Variants in CPNE6 observed in about 807,000 individuals in gnomAD.
The protein encoded by CPNE6 is copine-6.
CPNE6 carries 33 observed loss-of-function variants against 71.5 expected under a neutral mutation model. The observed-to-expected ratio is 0.46, with a 90% CI of 0.35 to 0.62. The LOEUF is 0.62. CPNE6 is among the 20% of genes least tolerant of loss of function. The pLI is 0.00. For missense variants in CPNE6, 576 were observed against 747.3 expected (o/e 0.77, Z 2.67); for synonymous variants, 296 against 293.0 (o/e 1.01, Z -0.10).
intron 2 of CPNE6, chr14:24,071,965 A>C: frequency 3.2e-6 from 1 of 313,282 alleles, no homozygotes; most frequent in Admixed American, 4.6e-5. Flanking sequence ...GACACACGAC[A>C]TGGGGGGACA....
At chr14:24,076,243 C>A in exon 12 of CPNE6, 1 of 1,614,228 alleles carries the variant, frequency 6.2e-7, no homozygotes, top group Non-Finnish European at 8.5e-7. Context: ...TACCTGCAGG[C>A]CCTGCGTGCA....
At position 24,077,877 on chromosome 14, in the gene CPNE6, C is replaced by T; in HGVS notation, c.*38-11C>T. The T allele has an allele frequency of 1.2e-6, 1 of 858,088 alleles. No homozygotes were observed. Among genetic ancestry groups the T allele is most frequent in the Non-Finnish European group, 1.6e-6 (1 of 609,850 alleles). 53.2% of individuals were successfully genotyped at this position (858,088 alleles called of 1,614,324 possible). ...GAAGAGAGTGCTTATGACTCTCCCACCCCCTCCCAGGTGCCTGTCCTGACC... is the reference window on the plus strand; with the variant it reads ...GAAGAGAGTGCTTATGACTCTCCCATCCCCTCCCAGGTGCCTGTCCTGACC... On this transcript the variant is annotated splice_polypyrimidine_tract_variant and intron_variant, in intron 17 of 17. Coordinates refer to ENST00000397016, the Ensembl canonical transcript of CPNE6. The surrounding 1 kb of genome is among the most constrained non-coding windows in gnomAD (Gnocchi z 6.1).
Position 24,074,362 on chromosome 14 carries a change from C to G in CPNE6, c.495C>G (p.Asn165Lys). 6.4e-7 allele frequency: 1 copy of G among 1,555,302 alleles called. No individual in the cohort carries two copies. ...CCTTCAGAGCCTACAAGCTGGACAACAAGGTTGGAACCCCAGAGTCCAGGC... is the reference window on the plus strand; with the variant it reads ...CCTTCAGAGCCTACAAGCTGGACAAGAAGGTTGGAACCCCAGAGTCCAGGC... The change falls in exon 6 of 18, where the codon AAC (asparagine) becomes AAG (lysine). Residue 165 changes from asparagine to lysine, a missense_variant. By Grantham distance (94) the Asn-to-Lys change is moderately conservative. Coordinates refer to ENST00000397016, the Ensembl canonical transcript of CPNE6. The surrounding 1 kb of genome is among the most constrained non-coding windows in gnomAD (Gnocchi z 4.5).
In CPNE6 at chr14:24,077,923, T is replaced by C. The variant is rs1368016691; in HGVS notation, c.*73T>C. The C allele has an allele frequency of 3.9e-6, 2 of 518,022 alleles. No individual in the cohort carries two copies. The highest frequency in any genetic ancestry group is 6.4e-6 in the Non-Finnish European group (2 of 311,536). 32.1% of individuals were successfully genotyped at this position (518,022 alleles called of 1,614,324 possible). A position where few individuals can be genotyped will look rare whatever the true frequency, so the allele number is the denominator to read the frequency against. On this transcript the variant is annotated 3_prime_UTR_variant, in exon 18 of 18. Transcript: ENST00000397016. This position sits in a 1 kb window ranked among gnomAD's most constrained non-coding sequence, Gnocchi z 6.1. The stretch of plus-strand genomic sequence containing the variant: ...TGACCCTCGTGACTCCAGTGACCAA[T>C]GCCTCCACCTCTTGGACCAGGTGTG...
chr14:24,071,652 C>G lies in CPNE6; in HGVS notation c.-5+11C>G, dbSNP rs1309083255. On this transcript the variant is annotated intron_variant, in intron 2 of 17. Coordinates refer to ENST00000397016, the Ensembl canonical transcript of CPNE6. ...CGACCGAGAGCCCAGGTGAGCCCAC[C>G]CTTCCTCCCCAGCCCAGCCCCAGCC... is the stretch of plus-strand genomic sequence containing the variant. The G allele has an allele frequency of 1.2e-6, 1 of 865,064 alleles. No homozygotes were observed. The highest frequency in any genetic ancestry group is 1.9e-6 in the Non-Finnish European group (1 of 535,190). The allele number at this position is 865,064 out of a possible 1,614,324, so 53.6% of individuals were successfully genotyped here.
chr14:24,071,501 G>GGGGC, intron 1 of CPNE6, 61 bp from the exon 1 acceptor site: 432 of 1,415,578 alleles, frequency 3.1e-4, no homozygotes, highest in Non-Finnish European at 3.7e-4. Context: ...CTGGTGCTGC[G>GGGGC]CCCCCCCCCA....
chr14:24,073,042 A>G lies in CPNE6; in HGVS notation c.106A>G (p.Thr36Ala). Reference sequence around the variant, plus strand: ...CTGCCATGGCCTCCTGGACCGGGACACACTCACCAAACCCCACCCCTGCGT... The same window carrying G: ...CTGCCATGGCCTCCTGGACCGGGACGCACTCACCAAACCCCACCCCTGCGT... Residue 36 changes from threonine (T) to alanine (A), a missense_variant, in exon 3 of 18, where the codon ACA becomes GCA. This residue lies in a region of CPNE6 where 89 missense variants were observed against 80.4 expected (regional missense o/e 1.11). Transcript: ENST00000397016. The surrounding 1 kb of genome is among the most constrained non-coding windows in gnomAD (Gnocchi z 5.5). The G allele has an allele frequency of 6.4e-7, 1 of 1,569,652 alleles. No individual in the cohort carries two copies. The highest frequency in any genetic ancestry group is 2.4e-5 in the East Asian group (1 of 41,604).
rs1037255379 is a variant in CPNE6, at chr14:24,071,322, C to G, written c.-119-205C>G. On this transcript the variant is annotated intron_variant, in intron 1 of 17. Coordinates refer to ENST00000397016, the Ensembl canonical transcript of CPNE6. ...CTGCAATGTGCGCATCTCTGCGATT[C>G]TGGGTGTGGGTGTAGTGTGAAGGGG... 7 of 1,432,392 alleles carry G rather than the reference C, an allele frequency of 4.9e-6. No homozygotes were observed. The African/African-American group carries it at 7.2e-5, about 15-fold the overall frequency. 88.7% of individuals were successfully genotyped at this position (1,432,392 alleles called of 1,614,324 possible). A position where few individuals can be genotyped will look rare whatever the true frequency, so the allele number is the denominator to read the frequency against.
At chr14:24,076,598 C>T (rs1437979690) in intron 14 of CPNE6, 41 bp downstream of exon 13, 3 of 1,610,798 alleles carry the variant, frequency 1.9e-6, no homozygotes, top group Non-Finnish European at 2.5e-6. Flanking sequence ...TCCCCGCAGA[C>T]ACACTCCACA....
At position 24,074,149 on chromosome 14, in the gene CPNE6, C is replaced by A; in HGVS notation, c.423+24C>A. ...CGGTAGGCAAGATCACCTGTACTCA[C>A]CCTTGGTCCAGGTATTCAATGCCCC... On this transcript the variant is annotated intron_variant, in intron 5 of 17. Coordinates refer to ENST00000397016, the Ensembl canonical transcript of CPNE6. This position sits in a 1 kb window ranked among gnomAD's most constrained non-coding sequence, Gnocchi z 4.5. 1.2e-6 allele frequency: 2 copies of A among 1,609,762 alleles called. No homozygotes were observed. Among genetic ancestry groups the A allele is most frequent in the Non-Finnish European group, 1.7e-6 (2 of 1,176,026 alleles).
intron 1 of CPNE6, 61 bp from the exon 1 acceptor site, chr14:24,071,501 G>GGGGGGGGCCCCCCCCC: frequency 7.1e-7 from 1 of 1,416,704 alleles, no homozygotes; most frequent in Non-Finnish European, 9.3e-7. Flanking sequence ...CTGGTGCTGC[G>GGGGGGGGCCCCCCCCC]CCCCCCCCCA....
rs566404189 is a variant in CPNE6, at chr14:24,071,595, G to A, written c.-51G>A. 10 of 1,374,400 alleles carry A rather than the reference G, an allele frequency of 7.3e-6. No individual in the cohort carries two copies. In the African/African-American group the frequency reaches 1.0e-4, roughly 14 times the overall value. The allele number at this position is 1,374,400 out of a possible 1,614,324, so 85.1% of individuals were successfully genotyped here. ...CGGCTGGAGCAGCAAGGGAGTCAGG[G>A]CCAGGGCCAGAGAGCCGGAGAGAGG... On this transcript the variant is annotated 5_prime_UTR_variant, in exon 2 of 18. Transcript: ENST00000397016.
At chr14:24,076,922 G>C in exon 15 of CPNE6, 2 of 1,613,438 alleles carry the variant, frequency 1.2e-6, no homozygotes, top group Non-Finnish European at 1.7e-6. Flanking sequence ...GCCTGCCCCA[G>C]ATCCAGCTCT....
At chr14:24,072,934 G>T (rs1480505036) in exon 3 of CPNE6, 1 of 1,569,466 alleles carries the variant, frequency 6.4e-7, no homozygotes, top group South Asian at 1.2e-5. Context: ...TCCCCACAGT[G>T]ACATGTCGGA....
rs775643462 is a variant in CPNE6 at position 24,077,402 on chromosome 14, G to A, written c.1536+12G>A. 30 of 1,611,194 alleles carry A rather than the reference G, an allele frequency of 1.9e-5. No homozygotes were observed. The highest frequency in any genetic ancestry group is 1.1e-4 in the East Asian group (5 of 44,858). ...GAGACTTCAAGGATGTGAGTCCCCC[G>A]GGCCCCTTCCGGCTGAAGGACTCCT... On this transcript the variant is annotated intron_variant, in intron 16 of 17. Coordinates refer to ENST00000397016, the Ensembl canonical transcript of CPNE6. The surrounding 1 kb of genome is among the most constrained non-coding windows in gnomAD (Gnocchi z 6.1).
chr14:24,071,131 G>A (rs2035882611), intron 1 of CPNE6: 1 of 1,283,360 alleles, frequency 7.8e-7, no homozygotes, highest in African/African-American at 1.5e-5. Context: ...AGTGATGTGA[G>A]AAGGGGTATG....
chr14:24,075,290 C>T lies in CPNE6; in HGVS notation c.777+14C>T, dbSNP rs1184934113. 5 of 1,602,278 alleles carry T rather than the reference C, an allele frequency of 3.1e-6. No homozygotes were observed. The highest frequency in any genetic ancestry group is 4.3e-6 in the Non-Finnish European group (5 of 1,169,360). On this transcript the variant is annotated intron_variant, in intron 9 of 17. Coordinates refer to ENST00000397016, the Ensembl canonical transcript of CPNE6. The surrounding 1 kb of genome is among the most constrained non-coding windows in gnomAD (Gnocchi z 4.3). Reference sequence around the variant, plus strand: ...CCTGGGCAGGAGGTGCCACAAATACCCCACCCCCAGAATCCCACCCAGATC... The same window carrying T: ...CCTGGGCAGGAGGTGCCACAAATACTCCACCCCCAGAATCCCACCCAGATC...
At chr14:24,076,900 C>G (rs1034322383) in exon 15 of CPNE6, 1 of 1,613,348 alleles carries the variant, frequency 6.2e-7, no homozygotes, top group African/African-American at 1.3e-5. Context: ...GTCATCGCCT[C>G]CTACCGTCGT....
At chr14:24,076,248 C>A in exon 12 of CPNE6, 2 of 1,614,204 alleles carry the variant, frequency 1.2e-6, no homozygotes, top group East Asian at 2.2e-5. Flanking sequence ...GCAGGCCCTG[C>A]GTGCAGTGGG....
Sources: gnomAD v4.1 joint callset for allele counts on GRCh38, gnomAD v4.1.1 for gene constraint, gnomAD v4.1.1 regional missense constraint, Gnocchi (gnomAD v3.1) non-coding constraint, MANE v1.5 for transcripts, NCBI Gene and HGNC (gene_info 2026-07-23, HGNC 2026-07-21) for gene names.